PTPRT: variants seen among roughly 807,000 people sequenced by gnomAD.
The protein encoded by PTPRT is protein tyrosine phosphatase receptor type T, also known as receptor-type tyrosine-protein phosphatase T.
Under a neutral mutation model 176.8 loss-of-function variants are expected in PTPRT, and 56 were observed. The observed-to-expected ratio is 0.32, with a 90% CI of 0.26 to 0.40. PTPRT has a LOEUF of 0.40. Ranked by LOEUF, PTPRT falls within the 10% of genes least tolerant of loss-of-function variation. The pLI, the probability that PTPRT is intolerant of heterozygous loss-of-function variation, is 1.00. For missense variants in PTPRT, 1,540 were observed against 1,908.2 expected, an observed-to-expected ratio of 0.81 and a Z score of 3.60; for synonymous variants, 783 against 739.0, an observed-to-expected ratio of 1.06 and a Z score of -0.96.
chr20:42,165,703 A>G (rs557346069), intron 16 of PTPRT, among the ~76,000 whole-genome samples: 74 of 152,356 alleles, frequency 4.9e-4, no homozygotes, highest in African/African-American at 1.6e-3. Context: ...AATTTTGTTT[A>G]ATTTTAATTA....
At chr20:42,327,891 G>A (rs2057908654) in intron 11 of PTPRT, among the ~76,000 whole-genome samples, 2 of 151,672 alleles carry the variant, frequency 1.3e-5, no homozygotes, top group African/African-American at 4.8e-5. Flanking sequence ...AGAGAAGGAA[G>A]CAATATTTTA....
the PTPRT span, among the ~76,000 whole-genome samples, chr20:42,047,687 T>G: frequency 6.6e-6 from 1 of 152,248 alleles, no homozygotes; most frequent in Non-Finnish European, 1.5e-5. Context: ...CACAAAATCC[T>G]GAAACTTGGG....
At chr20:42,505,311 T>C (rs930467795) in intron 7 of PTPRT, among the ~76,000 whole-genome samples, 2 of 152,066 alleles carry the variant, frequency 1.3e-5, no homozygotes, top group Non-Finnish European at 2.9e-5. Context: ...TTATTATTAT[T>C]GTTATTTTGA....
At chr20:42,898,171 G>A (rs1007631581) in intron 1 of PTPRT, among the ~76,000 whole-genome samples, 3 of 152,146 alleles carry the variant, frequency 2.0e-5, no homozygotes, top group Admixed American at 1.3e-4. Context: ...TTCTCCATGT[G>A]TGACAGAAGC....
intron 2 of PTPRT, among the ~76,000 whole-genome samples, chr20:42,880,570 G>A (rs1399856681): frequency 6.6e-6 from 1 of 152,106 alleles, no homozygotes; most frequent in Non-Finnish European, 1.5e-5. Flanking sequence ...CCCTCCTGCT[G>A]GGCCCTGGGC....
At chr20:43,148,370 T>C (rs1388146877) in intron 1 of PTPRT, among the ~76,000 whole-genome samples, 1 of 152,128 alleles carries the variant, frequency 6.6e-6, no homozygotes, top group East Asian at 1.9e-4. Flanking sequence ...TCCCCAACTT[T>C]TGAGGCCTCC....
chr20:42,424,456 T>C (rs1360002484), intron 9 of PTPRT, among the ~76,000 whole-genome samples: 1 of 152,186 alleles, frequency 6.6e-6, no homozygotes, highest in African/African-American at 2.4e-5. Context: ...ACCTTCCACC[T>C]GCCTCCCACT....
chr20:42,450,780 T>C (rs899170559), intron 8 of PTPRT, among the ~76,000 whole-genome samples: 1 of 152,184 alleles, frequency 6.6e-6, no homozygotes, highest in Non-Finnish European at 1.5e-5. Flanking sequence ...ACTAGAGATA[T>C]ACCAATAACA....
intron 7 of PTPRT, among the ~76,000 whole-genome samples, chr20:42,511,734 T>A (rs1195306800): frequency 7.4e-6 from 1 of 135,050 alleles, no homozygotes; most frequent in Non-Finnish European, 1.6e-5. Flanking sequence ...AAACACCCTA[T>A]TTTTTTTTTT....
At chr20:42,599,589 T>A (rs2073739027) in intron 7 of PTPRT, among the ~76,000 whole-genome samples, 2 of 152,098 alleles carry the variant, frequency 1.3e-5, no homozygotes, top group African/African-American at 4.8e-5. Flanking sequence ...AGATGCTCAT[T>A]TGCATTGGTT....
At chr20:42,352,623 T>A (rs1484492513) in intron 9 of PTPRT, among the ~76,000 whole-genome samples, 1 of 151,936 alleles carries the variant, frequency 6.6e-6, no homozygotes, top group African/African-American at 2.4e-5. Flanking sequence ...GTAGAAAAAA[T>A]TGAAATAATG....
In PTPRT at chr20:42,397,803, C is replaced by A. The variant is rs139336708; in HGVS notation, c.1561-45518G>T. Among the ~76,000 whole-genome samples, 462 of 152,196 alleles carry A rather than the reference C, an allele frequency of 3.0e-3. 4 individuals are homozygous for A. The highest frequency in any genetic ancestry group is 0.011 in the African/African-American group (439 of 41,514). On this transcript the variant is annotated intron_variant, in intron 9 of 30. Transcript: ENST00000373187. ...TGATTTATTTTCCTTTGAGTATATA[C>A]CCAGTAGTGGGATTGCTGGGTCAAA...
chr20:42,419,007 C>T (rs973403240), intron 9 of PTPRT, among the ~76,000 whole-genome samples: 2 of 152,124 alleles, frequency 1.3e-5, no homozygotes, highest in Admixed American at 1.3e-4. Context: ...AGAACAGTTC[C>T]CAGCATATAA....
intron 7 of PTPRT, among the ~76,000 whole-genome samples, chr20:42,600,883 A>T (rs1245432624): frequency 6.6e-6 from 1 of 152,124 alleles, no homozygotes; most frequent in South Asian, 2.1e-4. Context: ...TGGTTTCATG[A>T]TTTTGCTATT....
At position 42,645,742 on chromosome 20, in the gene PTPRT, G is replaced by T. The variant is rs573117324; in HGVS notation, c.1153+32124C>A. On this transcript the variant is annotated intron_variant, in intron 7 of 30. Transcript: ENST00000373187. Reference sequence around the variant, plus strand: ...TGACTGCCACTAGCACCATATGTATGTTTCAGATGGGATGTGTATTTATGT... The same window carrying T: ...TGACTGCCACTAGCACCATATGTATTTTTCAGATGGGATGTGTATTTATGT... Among the ~76,000 whole-genome samples the T allele has an allele frequency of 2.0e-5, 3 of 150,640 alleles. No homozygotes were observed. In the East Asian group the frequency reaches 5.8e-4, roughly 29 times the overall value.
chr20:42,213,927 A>G (rs983214882), intron 15 of PTPRT, among the ~76,000 whole-genome samples: 1 of 152,216 alleles, frequency 6.6e-6, no homozygotes, highest in Non-Finnish European at 1.5e-5. Flanking sequence ...TAATAAAATG[A>G]CCATAATTCC....
intron 12 of PTPRT, among the ~76,000 whole-genome samples, chr20:42,314,344 C>T (rs555286578): frequency 6.3e-4 from 95 of 151,864 alleles, no homozygotes; most frequent in African/African-American, 1.8e-3. Flanking sequence ...CTGGCTAACA[C>T]GGTAAAACCC....
intron 7 of PTPRT, among the ~76,000 whole-genome samples, chr20:42,483,483 C>T (rs1376380705): frequency 1.3e-5 from 2 of 152,142 alleles, no homozygotes; most frequent in Admixed American, 6.5e-5. Flanking sequence ...TTCTTTAGGC[C>T]TTCCTTTAAA....
intron 9 of PTPRT, among the ~76,000 whole-genome samples, chr20:42,424,635 G>A (rs2059147271): frequency 6.6e-6 from 1 of 152,054 alleles, no homozygotes; most frequent in African/African-American, 2.4e-5. Context: ...TGTCTATGAG[G>A]ATGGATGCAG....
Sources: gnomAD v4.1 joint callset for allele counts (sites outside exome capture counted in the v4.1 genomes callset) on GRCh38, gnomAD v4.1.1 for gene constraint, MANE v1.5 for transcripts, NCBI Gene and HGNC (gene_info 2026-07-23, HGNC 2026-07-21) for gene names.